Variants in COL4A2 observed in about 807,000 individuals in gnomAD.
COL4A2 encodes the protein collagen type IV alpha 2 chain, also known as collagen alpha-2(IV) chain.
In COL4A2, 99 loss-of-function variants were observed where a neutral mutation model predicts 200.2. The observed-to-expected ratio is 0.49, with a 90% CI of 0.42 to 0.58. COL4A2 has a LOEUF of 0.58. Among genes scored for constraint, COL4A2 ranks in the 20% least tolerant of loss-of-function variants. COL4A2 has a pLI of 0.00. For synonymous variants in COL4A2, 897 were observed against 900.6 expected, an observed-to-expected ratio of 1.00 and a Z score of 0.07; for missense variants, 1,950 against 2,314.1, an observed-to-expected ratio of 0.84 and a Z score of 3.23.
chr13:110,314,099 T>G (rs940041981), intron 3 of COL4A2, among the ~76,000 whole-genome samples: 5 of 152,226 alleles, frequency 3.3e-5, no homozygotes, highest in Non-Finnish European at 7.3e-5. Context: ...GAGGCTGCAG[T>G]TCAATGTGAT....
intron 3 of COL4A2, among the ~76,000 whole-genome samples, chr13:110,344,532 C>A (rs555570758): frequency 6.6e-6 from 1 of 152,134 alleles, no homozygotes; most frequent in East Asian, 1.9e-4. Flanking sequence ...TTAGTTCATG[C>A]GTGACATTTT....
At chr13:110,507,684 A>G (rs567296052) in intron 46 of COL4A2, 126 of 575,476 alleles carry the variant, frequency 2.2e-4, no homozygotes, top group African/African-American at 2.2e-3. Flanking sequence ...CTCCCTGGTG[A>G]TCCAACTTGG....
intron 32 of COL4A2, among the ~76,000 whole-genome samples, chr13:110,483,476 A>G (rs4497524): frequency 0.7 from 106,033 of 152,170 alleles, 37,401 homozygotes; most frequent in Non-Finnish European, 0.76. Context: ...TATAGCAGCC[A>G]TAATTGGAAA....
chr13:110,352,053 G>A (rs1288543525), intron 3 of COL4A2, among the ~76,000 whole-genome samples: 3 of 152,248 alleles, frequency 2.0e-5, no homozygotes, highest in Non-Finnish European at 2.9e-5. Flanking sequence ...AATGGGCTTC[G>A]AGTCACTCCA....
chr13:110,493,862 G>A (rs1883368042), intron 39 of COL4A2, among the ~76,000 whole-genome samples: 1 of 152,168 alleles, frequency 6.6e-6, no homozygotes, highest in Non-Finnish European at 1.5e-5. Context: ...CCTCACGAGG[G>A]AGAGCACCCG....
intron 30 of COL4A2, 50 bp downstream of exon 30, chr13:110,478,214 C>G: frequency 6.9e-7 from 1 of 1,454,088 alleles, no homozygotes; most frequent in Non-Finnish European, 9.2e-7. Context: ...CTGGTCCTGC[C>G]AAGAGAATGA....
chr13:110,509,449 C>G (rs1884011989), intron 47 of COL4A2, among the ~76,000 whole-genome samples: 1 of 151,912 alleles, frequency 6.6e-6, no homozygotes, highest in South Asian at 2.1e-4. Context: ...GATGCTAAAT[C>G]CTGGGCAGGG....
At chr13:110,511,538 A>C (rs1348769804) in intron 47 of COL4A2, among the ~76,000 whole-genome samples, 1 of 152,168 alleles carries the variant, frequency 6.6e-6, no homozygotes, top group African/African-American at 2.4e-5. Flanking sequence ...AAGAGTAAAC[A>C]TTGTGTTATC....
At chr13:110,395,647 G>A (rs1161339361) in intron 4 of COL4A2, among the ~76,000 whole-genome samples, 1 of 152,178 alleles carries the variant, frequency 6.6e-6, no homozygotes, top group Non-Finnish European at 1.5e-5. Context: ...TGAAGCAAAT[G>A]CGAAAGTCCA....
At chr13:110,308,014 G>A (rs1884845739) in intron 2 of COL4A2, 55 bp from the exon 3 acceptor site, 2 of 1,611,270 alleles carry the variant, frequency 1.2e-6, no homozygotes. Context: ...AACTCTCGGG[G>A]ACTGACAAGC....
intron 31 of COL4A2, among the ~76,000 whole-genome samples, chr13:110,481,833 TTGCTGGAGACACACTGCTCTGTCCCTCCG>T (rs1566559737): frequency 3.5e-5 from 1 of 28,496 alleles, no homozygotes; most frequent in Non-Finnish European, 7.5e-5. Flanking sequence ...TGTCCCTCCG[TTGCTGGAGACACACTGCTCTGTCCCTCCG>T]TGCTGGAGAC....
chr13:110,474,890 G>A (rs1366758940), intron 29 of COL4A2, among the ~76,000 whole-genome samples: 5 of 86,306 alleles, frequency 5.8e-5, no homozygotes, highest in East Asian at 3.7e-4. Context: ...ACCCACACAC[G>A]TGCCTATGCA....
intron 47 of COL4A2, among the ~76,000 whole-genome samples, chr13:110,510,340 T>C (rs1446759648): frequency 1.3e-5 from 2 of 152,352 alleles, no homozygotes; most frequent in South Asian, 2.1e-4. Flanking sequence ...CTCCCCTCGG[T>C]GGCCTCTCTC....
chr13:110,369,332 G>T (rs563409735), intron 4 of COL4A2, among the ~76,000 whole-genome samples: 1 of 152,136 alleles, frequency 6.6e-6, no homozygotes, highest in South Asian at 2.1e-4. Context: ...TTTGAGCACC[G>T]ACCTGGCACT....
At position 110,512,351 on chromosome 13, in the gene COL4A2, C is replaced by A; in HGVS notation, c.*160C>A. On this transcript the variant is annotated 3_prime_UTR_variant, in exon 48 of 48. Coordinates refer to ENST00000360467, the MANE Select transcript of COL4A2 (RefSeq NM_001846.4). ...ACTTAGACCTGCCAGCCACTGTCAC[C>A]GAGCGGGTGCAAGCACTCGGGGTCC... 7.9e-7 allele frequency: 1 copy of A among 1,269,186 alleles called. No homozygotes were observed. The highest frequency in any genetic ancestry group is 2.9e-5 in the Admixed American group (1 of 34,648). 78.6% of individuals were successfully genotyped at this position (1,269,186 alleles called of 1,614,324 possible).
At chr13:110,477,926 AGT>A in intron 29 of COL4A2, 75 bp from the exon 30 acceptor site, 1 of 1,288,910 alleles carries the variant, frequency 7.8e-7, no homozygotes, top group Non-Finnish European at 1.0e-6. Context: ...TTACAGAATG[AGT>A]GTGTGGAGGG....
chr13:110,414,043 C>T (rs981983505), intron 4 of COL4A2, among the ~76,000 whole-genome samples: 1 of 149,100 alleles, frequency 6.7e-6, no homozygotes, highest in Non-Finnish European at 1.5e-5. Flanking sequence ...TGGGCAGTGG[C>T]TCATGCCTGT....
intron 3 of COL4A2, among the ~76,000 whole-genome samples, chr13:110,351,764 G>A (rs1233589550): frequency 1.3e-5 from 2 of 152,126 alleles, no homozygotes; most frequent in Non-Finnish European, 2.9e-5. Context: ...GAGATAGTTG[G>A]CAAGGTAGGA....
At chr13:110,322,554 A>T (rs989035827) in intron 3 of COL4A2, among the ~76,000 whole-genome samples, 4 of 152,154 alleles carry the variant, frequency 2.6e-5, no homozygotes, top group Non-Finnish European at 4.4e-5. Flanking sequence ...ACATATGGGG[A>T]ACCCCGGGAG....
Sources: allele counts gnomAD v4.1 joint callset (sites outside exome capture counted in the v4.1 genomes callset), GRCh38; gene constraint gnomAD v4.1.1; transcripts MANE v1.5; gene names NCBI Gene and HGNC (gene_info 2026-07-23, HGNC 2026-07-21).